RFX8: variants seen among roughly 807,000 people sequenced by gnomAD.
RFX8 encodes the protein regulatory factor X8, also known as DNA-binding protein RFX8.
Under a neutral mutation model 54.6 loss-of-function variants are expected in RFX8, and 46 were observed. That is an observed-to-expected ratio of 0.84 (90% CI 0.67 to 1.08). RFX8 has a LOEUF of 1.08. Among genes scored for constraint, RFX8 ranks in the 50% least tolerant of loss-of-function variants. The probability of loss-of-function intolerance (pLI) is 0.00; values close to 1 mark genes in which losing one functional copy is unlikely to be tolerated. For missense variants in RFX8, 536 were observed against 562.3 expected, an observed-to-expected ratio of 0.95 and a Z score of 0.47; for synonymous variants, 192 against 209.5, an observed-to-expected ratio of 0.92 and a Z score of 0.72.
intron 1 of RFX8, among the ~76,000 whole-genome samples, chr2:101,469,046 A>ATATATACG (rs1558896353): frequency 3.9e-5 from 2 of 51,472 alleles, no homozygotes; most frequent in African/African-American, 1.4e-4. Flanking sequence ...ATATATGTAT[A>ATATATACG]TATATATACG....
At chr2:101,405,832 A>G (rs1469047941) in intron 10 of RFX8, 111 bp downstream of exon 10, 1 of 584,658 alleles carries the variant, frequency 1.7e-6, no homozygotes, top group African/African-American at 1.9e-5. Context: ...TTTTACATAG[A>G]AAGGTTAAAA....
chr2:101,411,242 C>T (rs1686105092), intron 8 of RFX8, among the ~76,000 whole-genome samples: 2 of 152,210 alleles, frequency 1.3e-5, no homozygotes, highest in African/African-American at 2.4e-5. Context: ...CAGCCTTTGG[C>T]CTTCCCAGCT....
intron 11 of RFX8, among the ~76,000 whole-genome samples, chr2:101,401,748 G>A (rs1183637791): frequency 6.6e-6 from 1 of 152,060 alleles, no homozygotes; most frequent in African/African-American, 2.4e-5. Context: ...CACTCCTCAG[G>A]GCATAAAACA....
At chr2:101,460,824 T>C (rs918752537) in intron 2 of RFX8, among the ~76,000 whole-genome samples, 4 of 151,608 alleles carry the variant, frequency 2.6e-5, no homozygotes, top group Non-Finnish European at 5.9e-5. Context: ...GGCTCCAGGT[T>C]CTACCTCTTC....
chr2:101,407,239 C>T (rs1685790787), intron 9 of RFX8, among the ~76,000 whole-genome samples: 1 of 152,236 alleles, frequency 6.6e-6, no homozygotes, highest in Non-Finnish European at 1.5e-5. Context: ...ATCCTTGGCA[C>T]ACCAGAAGGT....
At chr2:101,410,412 C>T (rs1233598584) in intron 9 of RFX8, among the ~76,000 whole-genome samples, 1 of 138,356 alleles carries the variant, frequency 7.2e-6, no homozygotes, top group African/African-American at 2.6e-5. Context: ...CACACACACA[C>T]ACACACTTAT....
At chr2:101,441,259 T>C (rs1688086481) in intron 2 of RFX8, among the ~76,000 whole-genome samples, 1 of 152,344 alleles carries the variant, frequency 6.6e-6, no homozygotes, top group Non-Finnish European at 1.5e-5. Flanking sequence ...CGTGAGCCAC[T>C]GCGCCCAGCC....
chr2:101,418,973 A>C lies in RFX8; in HGVS notation c.238-9T>G. 1 of 1,482,852 alleles carries C rather than the reference A, an allele frequency of 6.7e-7. No homozygotes were observed. The allele number at this position is 1,482,852 out of a possible 1,614,324, so 91.9% of individuals were successfully genotyped here. A position where few individuals can be genotyped will look rare whatever the true frequency, so the allele number is the denominator to read the frequency against. The stretch of plus-strand genomic sequence containing the variant: ...GTAAGCAAGTCCTCCACCTGGGGTA[A>C]GTAACAGAGCATATCGCCAAAACTC... On this transcript the variant is annotated splice_polypyrimidine_tract_variant and intron_variant, in intron 4 of 11. Coordinates refer to ENST00000428343, the MANE Select transcript of RFX8 (RefSeq NM_001145664.2).
chr2:101,407,204 T>C (rs1326000985), intron 9 of RFX8, among the ~76,000 whole-genome samples: 2 of 152,242 alleles, frequency 1.3e-5, no homozygotes, highest in Non-Finnish European at 2.9e-5. Context: ...TTGTCATTGC[T>C]TCTTTTCCCT....
chr2:101,406,142 TGCACAC>T, intron 9 of RFX8, 85 bp from the exon 10 acceptor site: 2 of 710,604 alleles, frequency 2.8e-6, no homozygotes, highest in Non-Finnish European at 4.7e-6. Context: ...ACATTTGTCA[TGCACAC>T]GCATTTTTAA....
chr2:101,459,689 C>T (rs1382151636), intron 2 of RFX8, among the ~76,000 whole-genome samples: 1 of 152,166 alleles, frequency 6.6e-6, no homozygotes, highest in Non-Finnish European at 1.5e-5. Context: ...ACGTGGGGGT[C>T]AGGGATCCAC....
chr2:101,402,567 A>G lies in RFX8; in HGVS notation c.1114T>C (p.Cys372Arg). 1 of 1,551,864 alleles carries G rather than the reference A, an allele frequency of 6.4e-7. No individual in the cohort carries two copies. The highest frequency in any genetic ancestry group is 8.7e-7 in the Non-Finnish European group (1 of 1,147,032). The change falls in exon 11 of 12, where the codon TGT becomes CGT. Residue 372 changes from cysteine (C) to arginine (R), a missense_variant. By Grantham distance (180) the Cys-to-Arg change is radical. Coordinates refer to ENST00000428343, the MANE Select transcript of RFX8 (RefSeq NM_001145664.2). ...HSLNSSLSQA[C>R]ASPSMEPLGV... is the part of the protein sequence containing the mutation. Reference sequence around the variant, plus strand: ...AGTGGCTCCATGCTGGGGCTGGCACACGCCTGCGACAGTGAGGAATTCAGA... The same window carrying G: ...AGTGGCTCCATGCTGGGGCTGGCACGCGCCTGCGACAGTGAGGAATTCAGA...
chr2:101,435,782 G>A (rs1300941259), intron 2 of RFX8, among the ~76,000 whole-genome samples: 1 of 152,060 alleles, frequency 6.6e-6, no homozygotes, highest in Non-Finnish European at 1.5e-5. Context: ...GACTTTGTGA[G>A]GTGGTCTTGT....
intron 2 of RFX8, among the ~76,000 whole-genome samples, chr2:101,449,482 A>G (rs4850977): frequency 0.76 from 115,095 of 152,086 alleles, 44,492 homozygotes; most frequent in Middle Eastern, 0.88. Flanking sequence ...AAAGTTAACA[A>G]GGCTTTGTGA....
intron 4 of RFX8, among the ~76,000 whole-genome samples, chr2:101,420,729 G>A (rs1381248823): frequency 6.6e-6 from 1 of 152,060 alleles, no homozygotes; most frequent in East Asian, 1.9e-4. Context: ...TCCTACTAGA[G>A]TCAGCAGCAA....
At chr2:101,468,094 A>G (rs984737055) in intron 1 of RFX8, among the ~76,000 whole-genome samples, 3 of 152,112 alleles carry the variant, frequency 2.0e-5, no homozygotes, top group East Asian at 1.9e-4. Context: ...CATAGTCACA[A>G]TTGTTAACCC....
At chr2:101,435,454 C>A (rs1033997787) in intron 2 of RFX8, among the ~76,000 whole-genome samples, 3 of 152,108 alleles carry the variant, frequency 2.0e-5, no homozygotes, top group Non-Finnish European at 4.4e-5. Context: ...ACAAATTTAT[C>A]CTTGAAACAA....
rs567773458 is a variant in RFX8, at chr2:101,462,839, C to A, written c.72+3938G>T. Among the ~76,000 whole-genome samples the A allele has an allele frequency of 2.6e-5, 4 of 152,254 alleles. No homozygotes were observed. In the East Asian group the frequency reaches 7.7e-4, roughly 29 times the overall value. On this transcript the variant is annotated intron_variant, in intron 2 of 11. Transcript: ENST00000428343. ...TCTGTCTGCCTGTGTGTCTGTCTAT[C>A]TACCTATTTATCTTTATCAGTTAGG...
chr2:101,450,616 T>C, intron 2 of RFX8: 1 of 1,506,582 alleles, frequency 6.6e-7, no homozygotes, highest in African/African-American at 1.4e-5. Flanking sequence ...TTTTCACCTA[T>C]CAGGTAGCAA....
Sources: gnomAD v4.1 joint callset for allele counts (sites outside exome capture counted in the v4.1 genomes callset) on GRCh38, gnomAD v4.1.1 for gene constraint, MANE v1.5 for transcripts, NCBI Gene and HGNC (gene_info 2026-07-23, HGNC 2026-07-21) for gene names.